The following PRSS35 variants were observed in gnomAD, a reference collection of about 807,000 sequenced individuals.
PRSS35 encodes the protein inactive serine protease 35.
A neutral mutation model predicts 8.1 loss-of-function variants in PRSS35; 7 were observed. The observed-to-expected ratio is 0.86, with a 90% CI of 0.49 to 1.62. The LOEUF (loss-of-function observed/expected upper bound fraction) is 1.62, where lower values mean the gene tolerates loss of function less well. Among genes scored for constraint, PRSS35 ranks in the 40% most tolerant of loss-of-function variants. The pLI, the probability that PRSS35 is intolerant of heterozygous loss-of-function variation, is 0.00. For synonymous variants in PRSS35, 199 were observed against 188.7 expected (o/e 1.05, Z -0.45); for missense variants, 566 against 518.0 (o/e 1.09, Z -0.90).
At chr6:83,523,154 A>G (rs891416916) in intron 1 of PRSS35, among the ~76,000 whole-genome samples, 2 of 152,106 alleles carry the variant, frequency 1.3e-5, no homozygotes, top group Non-Finnish European at 2.9e-5. Context: ...ATTAGGGGAG[A>G]TAGAGGTGGA....
intron 1 of PRSS35, among the ~76,000 whole-genome samples, chr6:83,521,087 C>G (rs892175229): frequency 4.6e-5 from 7 of 152,068 alleles, no homozygotes; most frequent in African/African-American, 1.7e-4. Context: ...GTTTCCCACA[C>G]CAAAACAACT....
intron 1 of PRSS35, among the ~76,000 whole-genome samples, chr6:83,515,531 T>C (rs1040575851): frequency 1.6e-4 from 24 of 152,220 alleles, no homozygotes; most frequent in Admixed American, 1.6e-3. Context: ...GGTTGCCCTG[T>C]CTCATTCTAG....
rs144972154 is a variant in PRSS35 at position 83,513,962 on chromosome 6, G to A, written c.-21+1268G>A. ...GTAGGATCAGACTCAGAATTTGGGAGGATAGAGCTACTTTACCTTAGCACT... is the reference window on the plus strand; with the variant it reads ...GTAGGATCAGACTCAGAATTTGGGAAGATAGAGCTACTTTACCTTAGCACT... On this transcript the variant is annotated intron_variant, in intron 1 of 1. Coordinates refer to ENST00000369700, the MANE Select transcript of PRSS35 (RefSeq NM_153362.3). Among the ~76,000 whole-genome samples, 870 of 152,266 alleles carry A rather than the reference G, an allele frequency of 5.7e-3. 8 individuals carry two copies. The highest frequency in any genetic ancestry group is 0.02 in the African/African-American group (811 of 41,560).
At chr6:83,517,981 C>G (rs966662342) in intron 1 of PRSS35, among the ~76,000 whole-genome samples, 1 of 152,088 alleles carries the variant, frequency 6.6e-6, no homozygotes, top group Non-Finnish European at 1.5e-5. Flanking sequence ...TAAATATGGA[C>G]AAGTACCTCA....
intron 1 of PRSS35, among the ~76,000 whole-genome samples, chr6:83,518,886 ATAT>A (rs1308376012): frequency 6.6e-6 from 1 of 151,864 alleles, no homozygotes; most frequent in Non-Finnish European, 1.5e-5. Flanking sequence ...AATTACTATA[ATAT>A]TATCCCCACT....
In PRSS35 at chr6:83,525,252, A is replaced by G. The variant is rs1263238259; in HGVS notation, c.*569A>G. 1 of 167,022 alleles carries G rather than the reference A, an allele frequency of 6.0e-6. No individual in the cohort carries two copies. The highest frequency in any genetic ancestry group is 1.9e-4 in the East Asian group (1 of 5,210). The allele number at this position is 167,022 out of a possible 1,614,324, so 10.3% of individuals were successfully genotyped here. Reference sequence around the variant, plus strand: ...TAGTTTTTTTGAAGAATTACAAATCAGAAGAAAAAGCAAGCATTATAAACA... The same window carrying G: ...TAGTTTTTTTGAAGAATTACAAATCGGAAGAAAAAGCAAGCATTATAAACA... On this transcript the variant is annotated 3_prime_UTR_variant, in exon 2 of 2. Transcript: ENST00000369700.
Position 83,515,664 on chromosome 6 carries a change from T to C in PRSS35, c.-21+2970T>C, listed in dbSNP as rs116008311. On this transcript the variant is annotated intron_variant, in intron 1 of 1. Coordinates refer to ENST00000369700, the MANE Select transcript of PRSS35 (RefSeq NM_153362.3). ...CCACAGGCATGCGCCACCACACTTGTAGAGACAGGGTCTCCCTATGTTGCC... is the reference window on the plus strand; with the variant it reads ...CCACAGGCATGCGCCACCACACTTGCAGAGACAGGGTCTCCCTATGTTGCC... 5.8e-3 allele frequency among the ~76,000 whole-genome samples: 881 copies of C among 152,176 alleles called. 8 individuals carry two copies. The highest frequency in any genetic ancestry group is 0.02 in the African/African-American group (820 of 41,532).
At chr6:83,519,582 C>T (rs1182522045) in intron 1 of PRSS35, among the ~76,000 whole-genome samples, 3 of 152,212 alleles carry the variant, frequency 2.0e-5, no homozygotes, top group Non-Finnish European at 4.4e-5. Flanking sequence ...TCAGTAAGAG[C>T]TATCATTTAT....
At chr6:83,513,218 T>C (rs894037314) in intron 1 of PRSS35, among the ~76,000 whole-genome samples, 3 of 152,162 alleles carry the variant, frequency 2.0e-5, no homozygotes, top group Non-Finnish European at 4.4e-5. Context: ...TGATGGTGGA[T>C]GAAACATTGG....
In PRSS35 at chr6:83,524,579, G is replaced by A. The variant is rs137859515; in HGVS notation, c.1138G>A (p.Gly380Arg). Reference sequence around the variant, plus strand: ...AGGGCACCAGTGGGTGGATGTCCACGGGGTTCAGAAGGACTACAACGTTGC... The same window carrying A: ...AGGGCACCAGTGGGTGGATGTCCACAGGGTTCAGAAGGACTACAACGTTGC... The part of the protein sequence containing the change: ...YSGHQWVDVH[G>R]VQKDYNVAVR... Residue 380 changes from glycine to arginine, a missense_variant, in exon 2 of 2, where the codon GGG becomes AGG. Gly to Arg is a moderately radical substitution (Grantham distance 125). Coordinates refer to ENST00000369700, the MANE Select transcript of PRSS35 (RefSeq NM_153362.3). The A allele has an allele frequency of 8.7e-6, 14 of 1,614,040 alleles. No homozygotes were observed. The highest frequency in any genetic ancestry group is 5.3e-5 in the African/African-American group (4 of 74,922).
rs1771912391 is a variant in PRSS35, at chr6:83,524,997, T to TG, written c.*315dup. On this transcript the variant is annotated 3_prime_UTR_variant, in exon 2 of 2. Transcript: ENST00000369700. Reference sequence around the variant, plus strand: ...TCAAACAGGTATTATAAATAACATGTGACTCCTTAATGGACTTATTCTCAG... The same window carrying TG: ...TCAAACAGGTATTATAAATAACATGTGGACTCCTTAATGGACTTATTCTCAG... The TG allele has an allele frequency of 3.7e-6, 1 of 271,058 alleles. No individual in the cohort carries two copies. 16.8% of individuals were successfully genotyped at this position (271,058 alleles called of 1,614,324 possible).
chr6:83,514,084 C>T (rs1045778495), intron 1 of PRSS35, among the ~76,000 whole-genome samples: 4 of 152,148 alleles, frequency 2.6e-5, no homozygotes, highest in African/African-American at 9.7e-5. Flanking sequence ...AACTAAAAAA[C>T]GTTAAGCTTC....
intron 1 of PRSS35, among the ~76,000 whole-genome samples, chr6:83,517,209 C>T (rs1228895758): frequency 6.6e-6 from 1 of 152,186 alleles, no homozygotes; most frequent in Non-Finnish European, 1.5e-5. Flanking sequence ...AGGTAACCTT[C>T]ACAAGATCAC....
intron 1 of PRSS35, among the ~76,000 whole-genome samples, chr6:83,516,867 C>T (rs1406507979): frequency 6.6e-6 from 1 of 152,110 alleles, no homozygotes; most frequent in African/African-American, 2.4e-5. Flanking sequence ...ATTGGACCCA[C>T]CTGGATAACC....
At chr6:83,518,547 G>A (rs931007507) in intron 1 of PRSS35, among the ~76,000 whole-genome samples, 2 of 152,034 alleles carry the variant, frequency 1.3e-5, no homozygotes, top group Non-Finnish European at 2.9e-5. Context: ...ATAGAAATGA[G>A]TAATTAGGAA....
Position 83,523,797 on chromosome 6 carries a change from G to A in PRSS35, c.356G>A (p.Arg119Lys). ...QNITTKGVSVRRKRQVYGTDS... is the reference protein window; with the variant it reads ...QNITTKGVSVKRKRQVYGTDS... ...ATCACCACAAAGGGAGTATCTGTTA[G>A]GAGAAAGAGACAGGTGTATGGCACC... The change falls in exon 2 of 2, where the codon AGG becomes AAG. Residue 119 changes from arginine (R) to lysine (K), a missense_variant. Coordinates refer to ENST00000369700, the MANE Select transcript of PRSS35 (RefSeq NM_153362.3). 2.5e-6 allele frequency: 4 copies of A among 1,614,164 alleles called. No individual in the cohort carries two copies. The South Asian group carries it at 3.3e-5, about 13-fold the overall frequency.
intron 1 of PRSS35, among the ~76,000 whole-genome samples, chr6:83,513,801 A>G (rs1435899468): frequency 6.6e-6 from 1 of 152,234 alleles, no homozygotes; most frequent in African/African-American, 2.4e-5. Context: ...ACTGTTTAGC[A>G]TATACTTGGC....
rs1771922892 is a variant in PRSS35, at chr6:83,525,477, T to C, written c.*794T>C. ...ATGCATAGGGAAGACACTTCACAAA[T>C]TATGAATGATCATGTGTTGAAAGCC... On this transcript the variant is annotated 3_prime_UTR_variant, in exon 2 of 2. Transcript: ENST00000369700. 6.0e-6 allele frequency: 1 copy of C among 167,080 alleles called. No homozygotes were observed. The highest frequency in any genetic ancestry group is 6.5e-5 in the Admixed American group (1 of 15,282). 10.3% of individuals were successfully genotyped at this position (167,080 alleles called of 1,614,324 possible).
At position 83,512,642 on chromosome 6, in the gene PRSS35, G is replaced by C. The variant is rs1172707586; in HGVS notation, c.-73G>C. 6.6e-6 allele frequency: 1 copy of C among 152,218 alleles called. No individual in the cohort carries two copies. Among genetic ancestry groups the C allele is most frequent in the Non-Finnish European group, 1.5e-5 (1 of 68,108 alleles). 9.4% of individuals were successfully genotyped at this position (152,218 alleles called of 1,614,324 possible). On this transcript the variant is annotated 5_prime_UTR_variant, in exon 1 of 2. Coordinates refer to ENST00000369700, the MANE Select transcript of PRSS35 (RefSeq NM_153362.3). ...CTGCAGCGTCCCCGCCCGCCTCCTCGGGAGCTCTGATCTCAGCTGACAGTG... is the reference window on the plus strand; with the variant it reads ...CTGCAGCGTCCCCGCCCGCCTCCTCCGGAGCTCTGATCTCAGCTGACAGTG...
Sources: gnomAD v4.1 joint callset for allele counts (sites outside exome capture counted in the v4.1 genomes callset) on GRCh38, gnomAD v4.1.1 for gene constraint, MANE v1.5 for transcripts, NCBI Gene and HGNC (gene_info 2026-07-23, HGNC 2026-07-21) for gene names.